The following UNC79 variants were observed in gnomAD, a reference collection of about 807,000 sequenced individuals.
The protein encoded by UNC79 is unc-79 subunit of NALCN channel complex.
UNC79 carries 37 observed loss-of-function variants against 283.1 expected under a neutral mutation model. The ratio of observed to expected loss-of-function variants is 0.13; its 90% CI spans 0.10 to 0.17. The LOEUF is 0.17. Ranked by LOEUF, UNC79 falls within the 10% of genes least tolerant of loss-of-function variation. The pLI, the probability that UNC79 is intolerant of heterozygous loss-of-function variation, is 1.00. For missense variants in UNC79, 2,272 were observed against 3,211.1 expected, an observed-to-expected ratio of 0.71 and a Z score of 7.07; for synonymous variants, 1,107 against 1,200.2, an observed-to-expected ratio of 0.92 and a Z score of 1.61.
intron 2 of UNC79, 74 bp downstream of exon 2, chr14:93,467,865 T>G: frequency 1.4e-6 from 2 of 1,418,924 alleles, no homozygotes; most frequent in South Asian, 3.2e-5. Flanking sequence ...ATCTAAATTT[T>G]TATTGAATTG....
At chr14:93,478,079 G>A (rs1472957531) in intron 4 of UNC79, among the ~76,000 whole-genome samples, 1 of 152,142 alleles carries the variant, frequency 6.6e-6, no homozygotes, top group Non-Finnish European at 1.5e-5. Context: ...CCTATCTTTT[G>A]GCTTTGAAGG....
intron 1 of UNC79, among the ~76,000 whole-genome samples, chr14:93,390,110 T>G (rs1052011024): frequency 1.3e-5 from 2 of 152,230 alleles, no homozygotes; most frequent in African/African-American, 4.8e-5. Flanking sequence ...GAGAAGATAA[T>G]GTGTGAGAAT....
intron 1 of UNC79, among the ~76,000 whole-genome samples, chr14:93,438,299 T>C (rs2056166114): frequency 6.6e-6 from 1 of 152,166 alleles, no homozygotes; most frequent in Admixed American, 6.5e-5. Flanking sequence ...TTTCATCAAC[T>C]TGTCTATTCA....
intron 1 of UNC79, among the ~76,000 whole-genome samples, chr14:93,372,452 C>T (rs184927207): frequency 5.9e-5 from 9 of 152,260 alleles, no homozygotes; most frequent in East Asian, 3.9e-4. Context: ...TATAAAGACA[C>T]GTATAGTTTA....
chr14:93,420,634 A>G (rs943007088), intron 1 of UNC79, among the ~76,000 whole-genome samples: 2 of 151,872 alleles, frequency 1.3e-5, no homozygotes, highest in African/African-American at 4.8e-5. Flanking sequence ...AGAACATTTT[A>G]TGCAACAGCT....
chr14:93,419,994 C>T (rs559262386), intron 1 of UNC79, among the ~76,000 whole-genome samples: 2 of 151,428 alleles, frequency 1.3e-5, no homozygotes, highest in East Asian at 1.9e-4. Context: ...ATAAGTAAAT[C>T]GTACCACCAG....
intron 2 of UNC79, among the ~76,000 whole-genome samples, chr14:93,473,241 G>A (rs558574938): frequency 1.3e-5 from 2 of 152,074 alleles, no homozygotes; most frequent in Admixed American, 1.3e-4. Context: ...GATACTGCTT[G>A]CTTAGTCGTT....
rs556211659 is a variant in UNC79 at position 93,463,291 on chromosome 14, T to G, written c.23-4380T>G. On this transcript the variant is annotated intron_variant, in intron 1 of 48. Coordinates refer to ENST00000555664, the Ensembl canonical transcript of UNC79. Reference sequence around the variant, plus strand: ...TGGCAATCTGGAGGCTCTAGATGATTGTGGGAAATGGATTCAGTGCAGTGG... The same window carrying G: ...TGGCAATCTGGAGGCTCTAGATGATGGTGGGAAATGGATTCAGTGCAGTGG... 1.1e-3 allele frequency among the ~76,000 whole-genome samples: 163 copies of G among 152,056 alleles called. 4 individuals carry two copies. The highest frequency in any genetic ancestry group is 3.1e-3 in the Admixed American group (47 of 15,288).
chr14:93,510,068 G>C (rs1595697745), intron 7 of UNC79, among the ~76,000 whole-genome samples: 2 of 152,212 alleles, frequency 1.3e-5, no homozygotes, highest in East Asian at 3.9e-4. Flanking sequence ...AGCCACAGAG[G>C]ATTATGGCTT....
Position 93,518,350 on chromosome 14 carries a change from C to T in UNC79, c.899-5628C>T, listed in dbSNP as rs557349010. ...TGTCTTTTAAGGAATGTGAGCATCT[C>T]ATCCAAGTTTTCAAATTTATTAGCA... On this transcript the variant is annotated intron_variant, in intron 7 of 48. Transcript: ENST00000555664. 2.6e-5 allele frequency among the ~76,000 whole-genome samples: 4 copies of T among 151,942 alleles called. No individual in the cohort carries two copies. In the South Asian group the frequency reaches 8.3e-4, roughly 32 times the overall value.
At chr14:93,558,105 G>C (rs1006908382) in intron 14 of UNC79, among the ~76,000 whole-genome samples, 4 of 152,194 alleles carry the variant, frequency 2.6e-5, no homozygotes, top group Non-Finnish European at 1.5e-5. Context: ...AATCTGCAGG[G>C]CTGGCTCAAA....
At chr14:93,546,761 T>A (rs1450763250) in intron 14 of UNC79, among the ~76,000 whole-genome samples, 1 of 152,162 alleles carries the variant, frequency 6.6e-6, no homozygotes, top group African/African-American at 2.4e-5. Context: ...TCTGCTTGAT[T>A]GAGTTAGCAG....
At chr14:93,451,647 A>G (rs2056646189) in intron 1 of UNC79, among the ~76,000 whole-genome samples, 1 of 152,152 alleles carries the variant, frequency 6.6e-6, no homozygotes, top group Admixed American at 6.5e-5. Context: ...GAGAAAATTT[A>G]GGGTTCTAAT....
intron 1 of UNC79, among the ~76,000 whole-genome samples, chr14:93,338,377 C>G (rs541601354): frequency 6.6e-6 from 1 of 152,240 alleles, no homozygotes; most frequent in South Asian, 2.1e-4. Context: ...AAGGTCTCAC[C>G]AGTAAGGCCT....
At chr14:93,500,679 A>G (rs1353458123) in intron 7 of UNC79, among the ~76,000 whole-genome samples, 1 of 152,228 alleles carries the variant, frequency 6.6e-6, no homozygotes, top group Non-Finnish European at 1.5e-5. Flanking sequence ...TTTCTGTTCT[A>G]CAAATGAGGA....
chr14:93,389,761 C>A, intron 1 of UNC79, among the ~76,000 whole-genome samples: 1 of 151,816 alleles, frequency 6.6e-6, no homozygotes, highest in Admixed American at 6.6e-5. Context: ...AAGCAATTTT[C>A]CTGCCTCAGC....
exon 41 of UNC79, chr14:93,673,418 C>G: frequency 6.2e-7 from 1 of 1,613,380 alleles, no homozygotes. Context: ...AAGCTCAAAT[C>G]TCCTTTACCA....
At chr14:93,418,501 C>T (rs1043158761) in intron 1 of UNC79, among the ~76,000 whole-genome samples, 5 of 151,734 alleles carry the variant, frequency 3.3e-5, no homozygotes, top group African/African-American at 7.2e-5. Flanking sequence ...GCAGTCTGCC[C>T]GTTCTCAGAT....
intron 1 of UNC79, among the ~76,000 whole-genome samples, chr14:93,366,193 G>A (rs534615774): frequency 9.8e-5 from 15 of 152,328 alleles, no homozygotes; most frequent in African/African-American, 2.4e-4. Context: ...GGTTTCCCAC[G>A]TGAGGTATTT....
Sources: gnomAD v4.1 joint callset for allele counts (sites outside exome capture counted in the v4.1 genomes callset) on GRCh38, gnomAD v4.1.1 for gene constraint, MANE v1.5 for transcripts, NCBI Gene and HGNC (gene_info 2026-07-23, HGNC 2026-07-21) for gene names.